SRP68: variants seen among roughly 807,000 people sequenced by gnomAD.
SRP68 encodes signal recognition particle subunit SRP68.
In SRP68, 15 loss-of-function variants were observed where a neutral mutation model predicts 82.2. That is an observed-to-expected ratio of 0.18 (90% CI 0.12 to 0.28). The LOEUF (loss-of-function observed/expected upper bound fraction) is 0.28, where lower values mean the gene tolerates loss of function less well. Among genes scored for constraint, SRP68 ranks in the 10% least tolerant of loss-of-function variants. The probability of loss-of-function intolerance (pLI) is 1.00; values close to 1 mark genes in which losing one functional copy is unlikely to be tolerated. For synonymous variants in SRP68, 261 were observed against 292.6 expected (o/e 0.89, Z 1.10); for missense variants, 595 against 780.5 (o/e 0.76, Z 2.83).
At chr17:76,042,119 C>T (rs1036032288) in intron 13 of SRP68, among the ~76,000 whole-genome samples, 1 of 151,944 alleles carries the variant, frequency 6.6e-6, no homozygotes, top group Non-Finnish European at 1.5e-5. Context: ...CTCCTGACCT[C>T]GTGATCTGCC....
At chr17:76,054,201 G>C (rs2066696067) in intron 8 of SRP68, among the ~76,000 whole-genome samples, 1 of 152,206 alleles carries the variant, frequency 6.6e-6, no homozygotes, top group African/African-American at 2.4e-5. Context: ...CTGGTGCGGA[G>C]GAAAGCGAGC....
In SRP68 at chr17:76,072,201, C is replaced by G; in HGVS notation, c.184+107G>C. 1 of 1,575,190 alleles carries G rather than the reference C, an allele frequency of 6.3e-7. No homozygotes were observed. The highest frequency in any genetic ancestry group is 8.5e-7 in the Non-Finnish European group (1 of 1,170,222). ...GGTAAGGGCGAGAGAAACTGCAACCCTCGGCCTCTCCTGCCAGGACTTGTC... is the reference window on the plus strand; with the variant it reads ...GGTAAGGGCGAGAGAAACTGCAACCGTCGGCCTCTCCTGCCAGGACTTGTC... On this transcript the variant is annotated intron_variant, in intron 1 of 15. Coordinates refer to ENST00000307877, the MANE Select transcript of SRP68 (RefSeq NM_014230.4). This position sits in a 1 kb window ranked among gnomAD's most constrained non-coding sequence, Gnocchi z 4.5.
intron 1 of SRP68, among the ~76,000 whole-genome samples, 172 bp from the exon 2 acceptor site, chr17:76,070,616 G>A (rs983325580): frequency 1.5e-4 from 23 of 152,152 alleles, no homozygotes; most frequent in African/African-American, 5.6e-4. Flanking sequence ...CGAGGCGGGT[G>A]TATCACCTGA....
chr17:76,068,511 A>G (rs911892458), intron 2 of SRP68, among the ~76,000 whole-genome samples: 3 of 152,020 alleles, frequency 2.0e-5, no homozygotes, highest in Non-Finnish European at 4.4e-5. Context: ...AATAAATGTA[A>G]AGAAAGCAGG....
intron 8 of SRP68, among the ~76,000 whole-genome samples, chr17:76,055,904 C>G (rs1175630463): frequency 6.9e-6 from 1 of 145,616 alleles, no homozygotes; most frequent in Non-Finnish European, 1.5e-5. Flanking sequence ...AGCTCCCGGG[C>G]TCAAGTGATC....
chr17:76,062,319 G>C, intron 4 of SRP68, among the ~76,000 whole-genome samples: 1 of 147,204 alleles, frequency 6.8e-6, no homozygotes, highest in Admixed American at 7.0e-5. Flanking sequence ...AGCCAGGTGT[G>C]GTGGTGTGCA....
Position 76,040,916 on chromosome 17 carries a change from G to A in SRP68, c.1587C>T (p.Ala529=), listed in dbSNP as rs769792798. Residue 529 remains alanine (A), a synonymous_variant, in exon 14 of 16, where the codon GCC becomes GCT. Transcript: ENST00000307877. The part of the protein sequence containing the change: ...QVRSEKCSLQ[A]AAILDANDAH... ...CAGGGGGCTCACCAAGGATGGCTGC[G>A]GCCTGCAGGGAGCACTTCTCTGACC... is the stretch of plus-strand genomic sequence containing the variant. 5 of 1,613,864 alleles carry A rather than the reference G, an allele frequency of 3.1e-6. No individual in the cohort carries two copies. Among genetic ancestry groups the A allele is most frequent in the Non-Finnish European group, 4.2e-6 (5 of 1,179,972 alleles).
At chr17:76,064,725 C>T (rs1296341780) in intron 3 of SRP68, among the ~76,000 whole-genome samples, 3 of 151,604 alleles carry the variant, frequency 2.0e-5, no homozygotes, top group Non-Finnish European at 4.4e-5. Flanking sequence ...CCTGTAATCC[C>T]AGCTACTTGG....
At chr17:76,040,070 C>T (rs1361924175) in intron 15 of SRP68, 137 bp from the exon 16 acceptor site, 15 of 820,604 alleles carry the variant, frequency 1.8e-5, no homozygotes, top group East Asian at 8.0e-5. Context: ...CAGCCTCCTA[C>T]GAGGAGGGGC....
In SRP68 at chr17:76,045,996, G is replaced by C. The variant is rs760473917; in HGVS notation, c.1299+42C>G. On this transcript the variant is annotated intron_variant, in intron 11 of 15. Coordinates refer to ENST00000307877, the MANE Select transcript of SRP68 (RefSeq NM_014230.4). ...TCACTTTGTGTCCGACACAGGCAAA[G>C]GAAAACCACAGGCCCTTGCCTTCCC... 8 of 1,610,398 alleles carry C rather than the reference G, an allele frequency of 5.0e-6. No individual in the cohort carries two copies. The South Asian group carries it at 8.8e-5, about 18-fold the overall frequency.
intron 7 of SRP68, among the ~76,000 whole-genome samples, chr17:76,058,713 G>A (rs1208269942): frequency 6.6e-6 from 1 of 152,206 alleles, no homozygotes; most frequent in Non-Finnish European, 1.5e-5. Context: ...GCTACAAGCA[G>A]GAATGCTAAT....
At chr17:76,046,707 C>T (rs757424103) in intron 10 of SRP68, among the ~76,000 whole-genome samples, 102 of 152,118 alleles carry the variant, frequency 6.7e-4, no homozygotes, top group Non-Finnish European at 5.9e-4. Context: ...TGTAGGAGGC[C>T]GAGGCGGGCG....
At position 76,046,031 on chromosome 17, in the gene SRP68, G is replaced by T; in HGVS notation, c.1299+7C>A. On this transcript the variant is annotated splice_region_variant and intron_variant, in intron 11 of 15. Coordinates refer to ENST00000307877, the MANE Select transcript of SRP68 (RefSeq NM_014230.4). The stretch of plus-strand genomic sequence containing the variant: ...AGGCCCTTGCCTTCCCGGTCCTCAA[G>T]GGTCACCTGTAAGATGATGTCATAG... The T allele has an allele frequency of 1.2e-6, 2 of 1,613,688 alleles. No homozygotes were observed. The highest frequency in any genetic ancestry group is 1.7e-6 in the Non-Finnish European group (2 of 1,179,828).
In SRP68 at chr17:76,061,005, C is replaced by T. The variant is rs577535821; in HGVS notation, c.754+105G>A. 36 of 761,700 alleles carry T rather than the reference C, an allele frequency of 4.7e-5. No homozygotes were observed. The East Asian group carries it at 5.2e-4, about 11-fold the overall frequency. The allele number at this position is 761,700 out of a possible 1,614,324, so 47.2% of individuals were successfully genotyped here. A position where few individuals can be genotyped will look rare whatever the true frequency, so the allele number is the denominator to read the frequency against. On this transcript the variant is annotated intron_variant, in intron 6 of 15. Transcript: ENST00000307877. The stretch of plus-strand genomic sequence containing the variant: ...AACTCAGGTCAATGATGGAGGCAAG[C>T]GAAGAAGAAAGTTACATCAACTCTC...
In SRP68 at chr17:76,043,877, A is replaced by G. The variant is rs776083959; in HGVS notation, c.1476T>C (p.Tyr492=). The G allele has an allele frequency of 2.5e-6, 4 of 1,611,178 alleles. No homozygotes were observed. Among genetic ancestry groups the G allele is most frequent in the African/African-American group, 1.3e-5 (1 of 74,808 alleles). Residue 492 remains tyrosine (Y), a synonymous_variant, in exon 13 of 16, where the codon TAT becomes TAC. Transcript: ENST00000307877. ...ALVLYDRVLK[Y]ANEVNSDAGA... is the part of the protein sequence containing the mutation. ...CAGCATCAGAATTTACTTCATTTGC[A>G]TATTTCAGGACTCTGTCATACAGGA...
chr17:76,069,163 A>G (rs1270429266), intron 2 of SRP68, among the ~76,000 whole-genome samples: 4 of 151,004 alleles, frequency 2.6e-5, no homozygotes, highest in South Asian at 2.1e-4. Flanking sequence ...TGAGGCAGGC[A>G]GATCACTTGA....
At chr17:76,056,863 T>G (rs1234650050) in intron 8 of SRP68, among the ~76,000 whole-genome samples, 2 of 152,184 alleles carry the variant, frequency 1.3e-5, no homozygotes, top group African/African-American at 2.4e-5. Context: ...CACCAGGATG[T>G]CTTATCTTTT....
Position 76,062,741 on chromosome 17 carries a change from A to AT in SRP68, c.562-1168dup, listed in dbSNP as rs1567935247. On this transcript the variant is annotated intron_variant, in intron 4 of 15. Transcript: ENST00000307877. ...TATTATATTTATTTTATATATATAT[A>AT]TATATATATATATATATATATATAA... Among the ~76,000 whole-genome samples the AT allele has an allele frequency of 1.1e-4, 3 of 27,926 alleles. 1 individual carries two copies. The highest frequency in any genetic ancestry group is 6.3e-4 in the African/African-American group (3 of 4,740). 18.3% of individuals were successfully genotyped at this position (27,926 alleles called of 152,430 possible). A position where few individuals can be genotyped will look rare whatever the true frequency, so the allele number is the denominator to read the frequency against.
At position 76,042,551 on chromosome 17, in the gene SRP68, A is replaced by AAAAAGT. The variant is rs1201967397; in HGVS notation, c.1524+1272_1524+1277dup. 2.6e-5 allele frequency among the ~76,000 whole-genome samples: 4 copies of AAAAAGT among 152,088 alleles called. No homozygotes were observed. The East Asian group carries it at 7.8e-4, about 30-fold the overall frequency. ...ACTCCATCTTAAAAAAAAAAAAAAAAAAAAGTAAAGCAAAGAAAGCCTTCC... is the reference window on the plus strand; with the variant it reads ...ACTCCATCTTAAAAAAAAAAAAAAAAAAAAGTAAAAGTAAAGCAAAGAAAGCCTTCC... On this transcript the variant is annotated intron_variant, in intron 13 of 15. Transcript: ENST00000307877.
Sources: gnomAD v4.1 joint callset for allele counts (sites outside exome capture counted in the v4.1 genomes callset) on GRCh38, gnomAD v4.1.1 for gene constraint, Gnocchi (gnomAD v3.1) non-coding constraint, MANE v1.5 for transcripts, NCBI Gene and HGNC (gene_info 2026-07-23, HGNC 2026-07-21) for gene names.